The following MECOM variants were observed in gnomAD, a reference collection of about 807,000 sequenced individuals.
MECOM encodes MDS1 and EVI1 complex locus.
Under a neutral mutation model 116.3 loss-of-function variants are expected in MECOM, and 13 were observed. The ratio of observed to expected loss-of-function variants is 0.11; its 90% CI spans 0.07 to 0.18. The LOEUF is 0.18. MECOM is among the 10% of genes least tolerant of loss of function. MECOM has a pLI of 1.00. For synonymous variants in MECOM, 528 were observed against 535.2 expected (o/e 0.99, Z 0.19); for missense variants, 1,299 against 1,509.0 (o/e 0.86, Z 2.31).
At chr3:169,643,104 T>C (rs1327231262) in intron 1 of MECOM, among the ~76,000 whole-genome samples, 2 of 152,204 alleles carry the variant, frequency 1.3e-5, no homozygotes, top group Non-Finnish European at 2.9e-5. Context: ...TCTTCTAGTG[T>C]TTAAATTACC....
At chr3:169,434,195 T>G (rs16853730) in intron 1 of MECOM, among the ~76,000 whole-genome samples, 17,565 of 152,248 alleles carry the variant, frequency 0.12, 1,289 homozygotes, top group East Asian at 0.29. Context: ...AGTCAAATTT[T>G]TTATGTTTTC....
intron 2 of MECOM, among the ~76,000 whole-genome samples, chr3:169,155,375 C>T (rs528389462): frequency 1.3e-5 from 2 of 152,270 alleles, no homozygotes; most frequent in South Asian, 2.1e-4. Context: ...TCTTGGACTC[C>T]TCTCCTTCCC....
At chr3:169,213,291 A>G (rs536590629) in intron 2 of MECOM, among the ~76,000 whole-genome samples, 1 of 152,138 alleles carries the variant, frequency 6.6e-6, no homozygotes, top group Admixed American at 6.6e-5. Flanking sequence ...GCATGTAAAA[A>G]GTAGAGTTAG....
Position 169,533,591 on chromosome 3 carries a change from T to TTTTTTTTTTAC in MECOM, c.37+129744_37+129745insGTAAAAAAAAA, listed in dbSNP as rs55667588. ...CCCAGTGCTGATTTTTTTTTTTTTT[T>TTTTTTTTTTAC]ATTTCCTTATGTCGTTGGGGGCCTG... On this transcript the variant is annotated intron_variant, in intron 1 of 16. Transcript: ENST00000651503. Among the ~76,000 whole-genome samples the TTTTTTTTTTAC allele has an allele frequency of 1.5e-4, 20 of 132,240 alleles. 1 individual carries two copies. Among genetic ancestry groups the TTTTTTTTTTAC allele is most frequent in the African/African-American group, 2.0e-4 (7 of 34,404 alleles). 86.8% of individuals were successfully genotyped at this position (132,240 alleles called of 152,430 possible). A position where few individuals can be genotyped will look rare whatever the true frequency, so the allele number is the denominator to read the frequency against.
intron 2 of MECOM, among the ~76,000 whole-genome samples, chr3:169,269,570 A>G (rs903196381): frequency 2.0e-5 from 3 of 152,176 alleles, no homozygotes; most frequent in African/African-American, 7.2e-5. Context: ...ATGGCAGAAA[A>G]TGCAACTGGA....
At chr3:169,156,820 GGAGA>G (rs1742069453) in intron 2 of MECOM, among the ~76,000 whole-genome samples, 1 of 152,034 alleles carries the variant, frequency 6.6e-6, no homozygotes, top group Non-Finnish European at 1.5e-5. Context: ...CATTTCCCTA[GGAGA>G]AAGAAAAGCA....
At chr3:169,566,928 A>G (rs573504727) in intron 1 of MECOM, among the ~76,000 whole-genome samples, 2 of 152,380 alleles carry the variant, frequency 1.3e-5, no homozygotes, top group South Asian at 2.1e-4. Flanking sequence ...ATTACATTAC[A>G]AACTGACTTT....
At chr3:169,438,570 A>G (rs570984493) in intron 1 of MECOM, among the ~76,000 whole-genome samples, 1 of 152,308 alleles carries the variant, frequency 6.6e-6, no homozygotes, top group East Asian at 1.9e-4. Flanking sequence ...AGCTTATCCC[A>G]GGGGATGTAA....
chr3:169,139,299 G>C (rs1260059789), intron 3 of MECOM, among the ~76,000 whole-genome samples: 2 of 152,050 alleles, frequency 1.3e-5, no homozygotes, highest in Non-Finnish European at 2.9e-5. Flanking sequence ...ACTTAAAAAT[G>C]AAAGGACTTA....
chr3:169,235,430 A>T (rs1753911012), intron 2 of MECOM, among the ~76,000 whole-genome samples: 1 of 152,158 alleles, frequency 6.6e-6, no homozygotes, highest in African/African-American at 2.4e-5. Context: ...ATCACTGACA[A>T]AATGTCCCTA....
At position 169,084,021 on chromosome 3, in the gene MECOM, A is replaced by G. The variant is rs1303124015; in HGVS notation, c.*888T>C. On this transcript the variant is annotated 3_prime_UTR_variant, in exon 17 of 17. Coordinates refer to ENST00000651503, the MANE Select transcript of MECOM (RefSeq NM_004991.4). ...ACAGGTCGGGTCACCTTGGTCCTTG[A>G]AATTCGGAAAGGGGTGTGCCTCAGA... 10 of 230,624 alleles carry G rather than the reference A, an allele frequency of 4.3e-5. No homozygotes were observed. The highest frequency in any genetic ancestry group is 6.9e-5 in the Non-Finnish European group (8 of 116,464). The allele number at this position is 230,624 out of a possible 1,614,324, so 14.3% of individuals were successfully genotyped here. A position where few individuals can be genotyped will look rare whatever the true frequency, so the allele number is the denominator to read the frequency against.
chr3:169,592,657 A>C (rs888857344), intron 1 of MECOM, among the ~76,000 whole-genome samples: 2 of 152,166 alleles, frequency 1.3e-5, no homozygotes, highest in Non-Finnish European at 2.9e-5. Context: ...CAGAATCATG[A>C]AGTTCAATTT....
At chr3:169,102,282 A>C in intron 10 of MECOM, 56 bp from the exon 11 acceptor site, 2 of 1,506,870 alleles carry the variant, frequency 1.3e-6, no homozygotes, top group Non-Finnish European at 1.8e-6. Context: ...TTCTATAATA[A>C]TCTCTGGCAA....
chr3:169,337,413 C>T (rs79897510), intron 2 of MECOM, among the ~76,000 whole-genome samples: 3,693 of 152,156 alleles, frequency 0.024, 84 homozygotes, highest in East Asian at 0.075. Flanking sequence ...TATTGATTCC[C>T]GACACGCATC....
chr3:169,351,878 C>A (rs1276188934), intron 2 of MECOM, among the ~76,000 whole-genome samples: 7 of 151,852 alleles, frequency 4.6e-5, no homozygotes, highest in Non-Finnish European at 2.9e-5. Flanking sequence ...TTTCCTTATC[C>A]CTTCAATGCC....
rs1742976972 is a variant in MECOM, at chr3:169,438,060, A to AT, written c.38-56537dup. On this transcript the variant is annotated intron_variant, in intron 1 of 16. Coordinates refer to ENST00000651503, the MANE Select transcript of MECOM (RefSeq NM_004991.4). ...TGAGGTAGATATGACTCTCATCCCC[A>AT]TTTTATATGTAAGGAAATTGAAGCA... is the stretch of plus-strand genomic sequence containing the variant. 2.0e-5 allele frequency among the ~76,000 whole-genome samples: 3 copies of AT among 152,286 alleles called. No homozygotes were observed. In the East Asian group the frequency reaches 5.8e-4, roughly 29 times the overall value.
At chr3:169,520,180 C>G (rs1446815953) in intron 1 of MECOM, among the ~76,000 whole-genome samples, 1 of 152,236 alleles carries the variant, frequency 6.6e-6, no homozygotes, top group African/African-American at 2.4e-5. Context: ...GAGTCTGAGT[C>G]TTAATGACAT....
chr3:169,181,591 A>AAATAAGG (rs1381672624), intron 2 of MECOM, among the ~76,000 whole-genome samples: 12 of 152,206 alleles, frequency 7.9e-5, no homozygotes, highest in Admixed American at 7.9e-4. Flanking sequence ...CTCAAACTTT[A>AAATAAGG]AATGATACCA....
chr3:169,546,992 T>C (rs1040448740), intron 1 of MECOM, among the ~76,000 whole-genome samples: 7 of 152,170 alleles, frequency 4.6e-5, no homozygotes, highest in African/African-American at 1.4e-4. Flanking sequence ...AAAATAAAAA[T>C]GGTCAACATC....
Sources: gnomAD v4.1 joint callset for allele counts (sites outside exome capture counted in the v4.1 genomes callset) on GRCh38, gnomAD v4.1.1 for gene constraint, MANE v1.5 for transcripts, NCBI Gene and HGNC (gene_info 2026-07-23, HGNC 2026-07-21) for gene names.